RCAN2: variants seen among roughly 807,000 people sequenced by gnomAD.
RCAN2 encodes regulator of calcineurin 2, also known as calcipressin-2.
A neutral mutation model predicts 23.6 loss-of-function variants in RCAN2; 9 were observed. The observed-to-expected ratio is 0.38, with a 90% CI of 0.23 to 0.67. RCAN2 has a LOEUF of 0.67. RCAN2 is among the 30% of genes least tolerant of loss of function. The probability of loss-of-function intolerance (pLI) is 0.51; values close to 1 mark genes in which losing one functional copy is unlikely to be tolerated. For missense variants in RCAN2, 273 were observed against 302.3 expected, an observed-to-expected ratio of 0.90 and a Z score of 0.72; for synonymous variants, 109 against 115.7, an observed-to-expected ratio of 0.94 and a Z score of 0.37.
At chr6:46,474,162 G>T (rs1015823572) in intron 1 of RCAN2, among the ~76,000 whole-genome samples, 1 of 152,066 alleles carries the variant, frequency 6.6e-6, no homozygotes, top group Admixed American at 6.6e-5. Flanking sequence ...GGAACAGGCA[G>T]AATTGGTGAA....
chr6:46,488,927 C>A, intron 1 of RCAN2, among the ~76,000 whole-genome samples: 1 of 152,168 alleles, frequency 6.6e-6, no homozygotes, highest in Non-Finnish European at 1.5e-5. Context: ...TCTCCTCATT[C>A]CTTTTTGCAA....
chr6:46,245,529 G>A lies in RCAN2; in HGVS notation c.571+1219C>T, dbSNP rs531280686. Among the ~76,000 whole-genome samples the A allele has an allele frequency of 2.0e-5, 3 of 152,212 alleles. No homozygotes were observed. The East Asian group carries it at 5.8e-4, about 29-fold the overall frequency. On this transcript the variant is annotated intron_variant, in intron 4 of 4. Transcript: ENST00000371374. ...TAATTCCTAGGGTTCTCAGGTTTTGGCGTATACAAGGATCAACAGATGTGA... is the reference window on the plus strand; with the variant it reads ...TAATTCCTAGGGTTCTCAGGTTTTGACGTATACAAGGATCAACAGATGTGA...
intron 2 of RCAN2, among the ~76,000 whole-genome samples, chr6:46,383,205 G>GTA (rs1432064736): frequency 2.7e-5 from 4 of 150,710 alleles, no homozygotes; most frequent in African/African-American, 9.8e-5. Context: ...GTGTGTGTGT[G>GTA]TGTACGTGTG....
At chr6:46,436,416 T>C (rs1286570917) in intron 2 of RCAN2, among the ~76,000 whole-genome samples, 1 of 152,212 alleles carries the variant, frequency 6.6e-6, no homozygotes, top group Non-Finnish European at 1.5e-5. Context: ...GGTTTCTCCA[T>C]GTTGGCCAGG....
At chr6:46,423,291 T>G (rs1766934305) in intron 2 of RCAN2, among the ~76,000 whole-genome samples, 1 of 152,200 alleles carries the variant, frequency 6.6e-6, no homozygotes, top group Non-Finnish European at 1.5e-5. Context: ...AAGATCACAC[T>G]GTTGATTATA....
At chr6:46,232,809 A>C (rs1765947268) in intron 4 of RCAN2, among the ~76,000 whole-genome samples, 1 of 151,428 alleles carries the variant, frequency 6.6e-6, no homozygotes, top group African/African-American at 2.4e-5. Context: ...AAAAAAAAAA[A>C]AAGAGTTTAC....
At chr6:46,471,295 T>C (rs1022052174) in intron 1 of RCAN2, among the ~76,000 whole-genome samples, 17 of 152,160 alleles carry the variant, frequency 1.1e-4, no homozygotes, top group African/African-American at 4.1e-4. Flanking sequence ...AATAGAGCAA[T>C]GGAACAAGGC....
chr6:46,456,221 A>G (rs1345149423), intron 2 of RCAN2, among the ~76,000 whole-genome samples: 1 of 152,218 alleles, frequency 6.6e-6, no homozygotes, highest in African/African-American at 2.4e-5. Context: ...CACACATGGC[A>G]ATACCACCAT....
intron 2 of RCAN2, among the ~76,000 whole-genome samples, chr6:46,422,931 T>C (rs1463553101): frequency 1.3e-5 from 2 of 152,052 alleles, no homozygotes; most frequent in Non-Finnish European, 2.9e-5. Context: ...TCACAAGGAG[T>C]AATGCTATGT....
intron 2 of RCAN2, among the ~76,000 whole-genome samples, chr6:46,406,638 G>A (rs1766414516): frequency 6.6e-6 from 1 of 152,188 alleles, no homozygotes; most frequent in South Asian, 2.1e-4. Flanking sequence ...GTAACTCAGA[G>A]AGAAACAGGT....
At chr6:46,314,887 C>T (rs1308508862) in intron 2 of RCAN2, among the ~76,000 whole-genome samples, 1 of 152,078 alleles carries the variant, frequency 6.6e-6, no homozygotes, top group African/African-American at 2.4e-5. Flanking sequence ...ATGGAAAAAC[C>T]CTGTCGCTAC....
intron 2 of RCAN2, among the ~76,000 whole-genome samples, chr6:46,342,831 T>C (rs902809424): frequency 6.6e-6 from 1 of 151,862 alleles, no homozygotes; most frequent in Admixed American, 6.6e-5. Context: ...TGGATCAGAA[T>C]CCCAAAGAGT....
At chr6:46,429,203 C>T (rs1451277024) in intron 2 of RCAN2, among the ~76,000 whole-genome samples, 1 of 152,152 alleles carries the variant, frequency 6.6e-6, no homozygotes, top group Non-Finnish European at 1.5e-5. Flanking sequence ...AAGCATCCCA[C>T]TTAATATAGG....
At chr6:46,257,787 T>A (rs1259857427) in intron 2 of RCAN2, among the ~76,000 whole-genome samples, 5 of 152,120 alleles carry the variant, frequency 3.3e-5, no homozygotes, top group Non-Finnish European at 2.9e-5. Context: ...GAGAAGCTAA[T>A]CACATACACT....
rs927631800 is a variant in RCAN2 at position 46,311,899 on chromosome 6, G to A, written c.226-63003C>T. Among the ~76,000 whole-genome samples the A allele has an allele frequency of 7.9e-5, 12 of 152,104 alleles. 1 individual carries two copies. Among genetic ancestry groups the A allele is most frequent in the Admixed American group, 5.2e-4 (8 of 15,264 alleles). On this transcript the variant is annotated intron_variant, in intron 2 of 4. Coordinates refer to ENST00000371374, the MANE Select transcript of RCAN2 (RefSeq NM_001251974.2). ...TATAATAGAATCCTGACTTTTAGCT[G>A]GGCATAGGACCACACAGGAAAAAGG... is the stretch of plus-strand genomic sequence containing the variant.
intron 2 of RCAN2, among the ~76,000 whole-genome samples, chr6:46,310,270 A>G (rs1388003456): frequency 6.6e-6 from 1 of 152,160 alleles, no homozygotes; most frequent in African/African-American, 2.4e-5. Context: ...GATCAAGCAG[A>G]AAAGCAGAAG....
intron 2 of RCAN2, among the ~76,000 whole-genome samples, chr6:46,340,731 A>G (rs1215340909): frequency 6.6e-6 from 1 of 152,236 alleles, no homozygotes; most frequent in Non-Finnish European, 1.5e-5. Context: ...TAAAATAGAA[A>G]TCATTACCTT....
At chr6:46,275,882 C>T (rs1172805556) in intron 2 of RCAN2, among the ~76,000 whole-genome samples, 1 of 152,188 alleles carries the variant, frequency 6.6e-6, no homozygotes, top group African/African-American at 2.4e-5. Flanking sequence ...GAGGTCATCA[C>T]CATTTTAGTG....
chr6:46,450,896 C>T (rs1310199661), intron 2 of RCAN2, among the ~76,000 whole-genome samples: 3 of 151,824 alleles, frequency 2.0e-5, no homozygotes, highest in Non-Finnish European at 4.4e-5. Flanking sequence ...TTTTTAAAAA[C>T]CACTAAGAAG....
Sources: gnomAD v4.1 joint callset for allele counts (sites outside exome capture counted in the v4.1 genomes callset) on GRCh38, gnomAD v4.1.1 for gene constraint, MANE v1.5 for transcripts, NCBI Gene and HGNC (gene_info 2026-07-23, HGNC 2026-07-21) for gene names.